The following RBFOX1 variants were observed in gnomAD, a reference collection of about 807,000 sequenced individuals.
RBFOX1 encodes the protein RNA binding protein fox-1 homolog 1.
Under a neutral mutation model 57.7 loss-of-function variants are expected in RBFOX1, and 8 were observed. The ratio of observed to expected loss-of-function variants is 0.14; its 90% CI spans 0.08 to 0.25. The LOEUF (loss-of-function observed/expected upper bound fraction) is 0.25, where lower values mean the gene tolerates loss of function less well. RBFOX1 is among the 10% of genes least tolerant of loss of function. RBFOX1 has a pLI of 1.00. For missense variants in RBFOX1, 611 were observed against 548.5 expected (o/e 1.11, Z -1.14); for synonymous variants, 326 against 222.4 (o/e 1.47, Z -4.15).
chr16:6,777,863 G>A (rs774792677), intron 3 of RBFOX1, among the ~76,000 whole-genome samples: 2 of 152,108 alleles, frequency 1.3e-5, no homozygotes, highest in Non-Finnish European at 2.9e-5. Flanking sequence ...TTCCTCAGAG[G>A]TGTCAGAGCT....
intron 3 of RBFOX1, among the ~76,000 whole-genome samples, chr16:5,850,938 A>C (rs188162317): frequency 1.3e-5 from 2 of 152,224 alleles, no homozygotes; most frequent in African/African-American, 4.8e-5. Flanking sequence ...TGGAGATGGC[A>C]TCGGGCATAT....
intron 2 of RBFOX1, among the ~76,000 whole-genome samples, chr16:6,563,058 G>A (rs936255628): frequency 6.6e-6 from 1 of 151,686 alleles, no homozygotes; most frequent in Non-Finnish European, 1.5e-5. Flanking sequence ...GATGCTGCAG[G>A]GGCAGGGGGC....
intron 1 of RBFOX1, among the ~76,000 whole-genome samples, chr16:6,124,281 T>C (rs1224025166): frequency 6.6e-6 from 1 of 152,176 alleles, no homozygotes; most frequent in Non-Finnish European, 1.5e-5. Context: ...TCAGTCTCCA[T>C]GGGCACCTGG....
chr16:5,321,657 G>C (rs565036888), intron 1 of RBFOX1, among the ~76,000 whole-genome samples: 16 of 152,242 alleles, frequency 1.1e-4, no homozygotes, highest in Non-Finnish European at 2.1e-4. Context: ...CTGGGTGGGT[G>C]ATTCTGCAGT....
intron 1 of RBFOX1, among the ~76,000 whole-genome samples, chr16:6,314,372 C>G (rs2080810217): frequency 6.6e-6 from 1 of 152,208 alleles, no homozygotes; most frequent in African/African-American, 2.4e-5. Context: ...GATGTATATT[C>G]TGCTTCTGAT....
intron 4 of RBFOX1, among the ~76,000 whole-genome samples, chr16:7,342,049 C>T (rs1453782674): frequency 6.6e-6 from 1 of 152,022 alleles, no homozygotes; most frequent in African/African-American, 2.4e-5. Flanking sequence ...ACATTGTTCT[C>T]AGGAACTGCT....
At chr16:5,655,572 C>T (rs2049399238) in intron 3 of RBFOX1, among the ~76,000 whole-genome samples, 2 of 152,142 alleles carry the variant, frequency 1.3e-5, no homozygotes, top group Admixed American at 6.5e-5. Context: ...GCTACAACTG[C>T]AAAGGGAATG....
rs575235024 is a variant in RBFOX1, at chr16:5,897,016, C to CTTTTTTTTTTTTTTTTTTTT, written c.351+29692_351+29711dup. Among the ~76,000 whole-genome samples the CTTTTTTTTTTTTTTTTTTTT allele has an allele frequency of 1.3e-3, 73 of 56,468 alleles. 15 individuals are homozygous for CTTTTTTTTTTTTTTTTTTTT. The highest frequency in any genetic ancestry group is 2.7e-3 in the East Asian group (4 of 1,506). The allele number at this position is 56,468 out of a possible 152,430, so 37.0% of individuals were successfully genotyped here. A position where few individuals can be genotyped will look rare whatever the true frequency, so the allele number is the denominator to read the frequency against. On this transcript the variant is annotated intron_variant, in intron 4 of 19. Transcript: ENST00000641259. ...CCCCCACTAAAAATGTATCCATCCGCTTTTTTTTTTTTTTTTTTTTTTTTT... is the reference window on the plus strand; with the variant it reads ...CCCCCACTAAAAATGTATCCATCCGCTTTTTTTTTTTTTTTTTTTTTTTTTTTTTTTTTTTTTTTTTTTTT...
intron 2 of RBFOX1, among the ~76,000 whole-genome samples, chr16:5,500,636 A>G (rs955017346): frequency 7.2e-5 from 11 of 152,168 alleles, no homozygotes; most frequent in South Asian, 4.1e-4. Context: ...AAGTCACTCT[A>G]TCCAGACACA....
At chr16:5,466,292 C>T (rs1323221268) in intron 1 of RBFOX1, among the ~76,000 whole-genome samples, 1 of 152,146 alleles carries the variant, frequency 6.6e-6, no homozygotes, top group Non-Finnish European at 1.5e-5. Context: ...TTTGACTAAG[C>T]CAGGGTCCTT....
At chr16:7,054,714 G>A (rs2051504278) in intron 4 of RBFOX1, among the ~76,000 whole-genome samples, 1 of 152,162 alleles carries the variant, frequency 6.6e-6, no homozygotes, top group African/African-American at 2.4e-5. Flanking sequence ...GTAACTGTCT[G>A]CAAGCCACAA....
intron 5 of RBFOX1, among the ~76,000 whole-genome samples, chr16:7,574,436 A>C (rs1025060691): frequency 1.3e-5 from 2 of 152,178 alleles, no homozygotes; most frequent in Non-Finnish European, 2.9e-5. Context: ...CAAGGAAGTC[A>C]GGCTGGGTCC....
Position 6,880,020 on chromosome 16 carries a change from C to T in RBFOX1, c.-15-172037C>T, listed in dbSNP as rs368308587. On this transcript the variant is annotated intron_variant, in intron 3 of 15. Coordinates refer to ENST00000550418, the MANE Select transcript of RBFOX1 (RefSeq NM_018723.4). ...TAGTCTTAATCTTTCATACTTGAAG[C>T]GCCTCTGTTTCCTCCATCCATGCAA... 2.6e-5 allele frequency among the ~76,000 whole-genome samples: 4 copies of T among 152,270 alleles called. No individual in the cohort carries two copies. The East Asian group carries it at 5.8e-4, about 22-fold the overall frequency.
At chr16:6,976,641 G>C (rs950809470) in intron 3 of RBFOX1, among the ~76,000 whole-genome samples, 2 of 150,298 alleles carry the variant, frequency 1.3e-5, no homozygotes, top group African/African-American at 2.4e-5. Context: ...ATCCACCCTA[G>C]GTACAATGTT....
At chr16:7,255,657 C>T (rs779655746) in intron 4 of RBFOX1, among the ~76,000 whole-genome samples, 1 of 151,984 alleles carries the variant, frequency 6.6e-6, no homozygotes, top group Admixed American at 6.6e-5. Flanking sequence ...ATGCAAGTCA[C>T]ATATGCAAAG....
chr16:7,461,608 T>C (rs1044795067), intron 4 of RBFOX1, among the ~76,000 whole-genome samples: 5 of 152,204 alleles, frequency 3.3e-5, no homozygotes, highest in African/African-American at 1.2e-4. Flanking sequence ...AGGTCATTTG[T>C]GTGTCTGTTT....
At chr16:7,357,219 T>A (rs1205108938) in intron 4 of RBFOX1, among the ~76,000 whole-genome samples, 1 of 144,358 alleles carries the variant, frequency 6.9e-6, no homozygotes, top group Non-Finnish European at 1.5e-5. Context: ...CTGATAAGAG[T>A]CGGCAGGAGA....
chr16:5,280,070 G>C (rs1052147052), intron 1 of RBFOX1, among the ~76,000 whole-genome samples: 50 of 152,206 alleles, frequency 3.3e-4, no homozygotes, highest in Admixed American at 3.3e-3. Flanking sequence ...GTTAGCTGTA[G>C]ATTTGTCATA....
chr16:7,468,662 A>G (rs770172142), intron 4 of RBFOX1, among the ~76,000 whole-genome samples: 1 of 152,156 alleles, frequency 6.6e-6, no homozygotes, highest in South Asian at 2.1e-4. Context: ...CAGAGGACAC[A>G]TGCATGCATA....
Sources: gnomAD v4.1 joint callset for allele counts (sites outside exome capture counted in the v4.1 genomes callset) on GRCh38, gnomAD v4.1.1 for gene constraint, MANE v1.5 for transcripts, NCBI Gene and HGNC (gene_info 2026-07-23, HGNC 2026-07-21) for gene names.